The following FADS1 variants were observed in gnomAD, a reference collection of about 807,000 sequenced individuals.
FADS1 encodes the protein fatty acid desaturase 1.
Under a neutral mutation model 61.6 loss-of-function variants are expected in FADS1, and 17 were observed. That is an observed-to-expected ratio of 0.28 (90% CI 0.19 to 0.41). The LOEUF (loss-of-function observed/expected upper bound fraction) is 0.41, where lower values mean the gene tolerates loss of function less well. Ranked by LOEUF, FADS1 falls within the 10% of genes least tolerant of loss-of-function variation. The pLI, the probability that FADS1 is intolerant of heterozygous loss-of-function variation, is 1.00. For synonymous variants in FADS1, 238 were observed against 258.7 expected, an observed-to-expected ratio of 0.92 and a Z score of 0.77; for missense variants, 387 against 650.9, an observed-to-expected ratio of 0.59 and a Z score of 4.41.
rs573416680 is a variant in FADS1 at position 61,811,765 on chromosome 11, T to C, written c.685-690A>G. ...CCACCACTCCCAGCTAACTGTTGTA[T>C]TTTAATAGAGACGGGGTTTCACCAT... On this transcript the variant is annotated intron_variant, in intron 3 of 11. Transcript: ENST00000350997. The C allele has an allele frequency of 9.4e-4, 337 of 358,140 alleles. 3 individuals carry two copies. The highest frequency in any genetic ancestry group is 1.3e-3 in the Non-Finnish European group (235 of 179,222). 22.2% of individuals were successfully genotyped at this position (358,140 alleles called of 1,614,324 possible).
chr11:61,806,312 G>A (rs1221731103), intron 6 of FADS1: 6 of 197,652 alleles, frequency 3.0e-5, no homozygotes, highest in Non-Finnish European at 5.2e-5. Flanking sequence ...ACTGCAGTCC[G>A]CAGTCCGGCC....
intron 2 of FADS1, 42 bp downstream of exon 2, chr11:61,813,200 CT>C: frequency 8.3e-7 from 1 of 1,209,006 alleles, no homozygotes; most frequent in Non-Finnish European, 1.2e-6. Flanking sequence ...CTCTGTCCCC[CT>C]CAACAACCAA....
intron 5 of FADS1, among the ~76,000 whole-genome samples, chr11:61,807,304 G>A (rs2066900820): frequency 6.6e-6 from 1 of 152,126 alleles, no homozygotes; most frequent in African/African-American, 2.4e-5. Context: ...CCAACCTCAG[G>A]TGATCCACCC....
intron 5 of FADS1, among the ~76,000 whole-genome samples, chr11:61,809,779 C>G (rs530284746): frequency 1.3e-5 from 2 of 152,250 alleles, no homozygotes; most frequent in Non-Finnish European, 2.9e-5. Context: ...GGACATGTAA[C>G]AAACCCAAGT....
intron 3 of FADS1, 56 bp downstream of exon 3, chr11:61,812,415 G>A: frequency 6.4e-7 from 1 of 1,551,720 alleles, no homozygotes; most frequent in Admixed American, 1.7e-5. Context: ...CACCCAAGGA[G>A]CTTTCCCCAG....
Position 61,816,866 on chromosome 11 carries a change from G to A in FADS1, c.64C>T (p.Arg22Trp). Residue 22 changes from arginine (R) to tryptophan (W), a missense_variant, in exon 1 of 12, where the codon CGG (arginine) becomes TGG (tryptophan). Coordinates refer to ENST00000350997, the MANE Select transcript of FADS1 (RefSeq NM_013402.7). The surrounding 1 kb of genome is among the most constrained non-coding windows in gnomAD (Gnocchi z 7.0). ...PCGAENPARR[R>W]LALGARQQIH... ...TGCTGGCGCGCGCCCAGAGCCAGCC[G>A]CCTGCGCGCCGGGTTTTCAGCACCG... The A allele has an allele frequency of 6.8e-7, 1 of 1,478,564 alleles. No homozygotes were observed. Among genetic ancestry groups the A allele is most frequent in the South Asian group, 1.3e-5 (1 of 77,200 alleles). The allele number at this position is 1,478,564 out of a possible 1,614,324, so 91.6% of individuals were successfully genotyped here.
At chr11:61,807,385 C>T (rs1365571201) in intron 5 of FADS1, among the ~76,000 whole-genome samples, 3 of 152,188 alleles carry the variant, frequency 2.0e-5, no homozygotes, top group African/African-American at 7.2e-5. Flanking sequence ...TACTTTTTCA[C>T]ACCAGAATCT....
intron 7 of FADS1, 46 bp downstream of exon 7, chr11:61,804,639 G>T (rs766039999): frequency 1.3e-6 from 2 of 1,538,370 alleles, no homozygotes; most frequent in East Asian, 2.3e-5. Flanking sequence ...CCCCACTCTG[G>T]GTGCTGGAGA....
chr11:61,813,200 C>T (rs767269528), intron 2 of FADS1, 43 bp downstream of exon 2: 2 of 1,209,006 alleles, frequency 1.7e-6, no homozygotes, highest in Non-Finnish European at 2.5e-6. Flanking sequence ...CTCTGTCCCC[C>T]TCAACAACCA....
At chr11:61,811,158 C>T in intron 3 of FADS1, 83 bp from the exon 4 acceptor site, 1 of 978,576 alleles carries the variant, frequency 1.0e-6, no homozygotes, top group Non-Finnish European at 1.6e-6. Flanking sequence ...TTCAGCCTCT[C>T]CCACTTCCTT....
At chr11:61,813,913 G>A (rs535607713) in intron 1 of FADS1, among the ~76,000 whole-genome samples, 1 of 148,646 alleles carries the variant, frequency 6.7e-6, no homozygotes, top group African/African-American at 2.5e-5. Context: ...AGCCTGCAGT[G>A]AGCCGAGATC....
Position 61,816,660 on chromosome 11 carries a change from C to A in FADS1, c.270G>T (p.Glu90Asp). Residue 90 changes from glutamate (E) to aspartate (D), a missense_variant, in exon 1 of 12, where the codon GAG becomes GAT. Glu to Asp is a conservative substitution (Grantham distance 45, BLOSUM62 2). This residue lies in a region of FADS1 where 257 missense variants were observed against 533.3 expected (regional missense o/e 0.48). Coordinates refer to ENST00000350997, the MANE Select transcript of FADS1 (RefSeq NM_013402.7). The surrounding 1 kb of genome is among the most constrained non-coding windows in gnomAD (Gnocchi z 7.0). ...DEVAQRSGCE[E>D]RWLVIDRKVY... ...CCTTACGGTCGATCACTAGCCACCGCTCCTCGCACCCTGAGCGCTGGGCCA... is the reference window on the plus strand; with the variant it reads ...CCTTACGGTCGATCACTAGCCACCGATCCTCGCACCCTGAGCGCTGGGCCA... The A allele has an allele frequency of 6.3e-7, 1 of 1,599,616 alleles. No homozygotes were observed. The highest frequency in any genetic ancestry group is 1.1e-5 in the South Asian group (1 of 88,832).
At chr11:61,808,434 A>G (rs1231080166) in intron 5 of FADS1, among the ~76,000 whole-genome samples, 3 of 152,118 alleles carry the variant, frequency 2.0e-5, no homozygotes, top group African/African-American at 7.2e-5. Flanking sequence ...TGCCTGGGCA[A>G]TAGGCTGCTT....
In FADS1 at chr11:61,816,548, C is replaced by G; in HGVS notation, c.375+7G>C. Reference sequence around the variant, plus strand: ...CCTCTCCTGTGCCCCCGCCTGGCTGCGCTCACCGTGGCATCCTGCCCGGCG... The same window carrying G: ...CCTCTCCTGTGCCCCCGCCTGGCTGGGCTCACCGTGGCATCCTGCCCGGCG... On this transcript the variant is annotated splice_region_variant and intron_variant, in intron 1 of 11. Coordinates refer to ENST00000350997, the MANE Select transcript of FADS1 (RefSeq NM_013402.7). This position sits in a 1 kb window ranked among gnomAD's most constrained non-coding sequence, Gnocchi z 7.0. 6.2e-7 allele frequency: 1 copy of G among 1,601,112 alleles called. No homozygotes were observed. The highest frequency in any genetic ancestry group is 2.3e-5 in the East Asian group (1 of 44,268).
At chr11:61,807,936 A>G (rs555746550) in intron 5 of FADS1, among the ~76,000 whole-genome samples, 5 of 152,190 alleles carry the variant, frequency 3.3e-5, no homozygotes, top group Non-Finnish European at 5.9e-5. Flanking sequence ...TTCAGCACCT[A>G]CTGTGTGCCG....
At position 61,812,542 on chromosome 11, in the gene FADS1, GC is replaced by G; in HGVS notation, c.612del (p.Trp204CysfsTer54). 1 of 1,614,136 alleles carries G rather than the reference GC, an allele frequency of 6.2e-7. No homozygotes were observed. ...LHILLLDGAA[W>X]LTLWVFGTSF... Reference sequence around the variant, plus strand: ...GACGTCCCAAAGACCCAAAGGGTGAGCCAGGCTGCACCATCCAGCAGCAAGA... The same window carrying G: ...GACGTCCCAAAGACCCAAAGGGTGAGCAGGCTGCACCATCCAGCAGCAAGA... On this transcript the variant is annotated frameshift_variant, in exon 3 of 12. Coordinates refer to ENST00000350997, the MANE Select transcript of FADS1 (RefSeq NM_013402.7). LOFTEE classifies it high-confidence loss of function.
chr11:61,806,612 C>T, intron 6 of FADS1, 52 bp downstream of exon 6: 1 of 1,505,324 alleles, frequency 6.6e-7, no homozygotes, highest in Non-Finnish European at 9.3e-7. Context: ...CTCCTCATTC[C>T]CTCAGCATTC....
At position 61,810,915 on chromosome 11, in the gene FADS1, C is replaced by T. The variant is rs1256193958; in HGVS notation, c.787-36G>A. 5 of 1,613,866 alleles carry T rather than the reference C, an allele frequency of 3.1e-6. No homozygotes were observed. In the African/African-American group the frequency reaches 5.3e-5, roughly 17 times the overall value. Reference sequence around the variant, plus strand: ...GCAGGGACACGAGTATGAAAAGCTTCCCCCAAGGCAGCCCTTCATTGCCTG... The same window carrying T: ...GCAGGGACACGAGTATGAAAAGCTTTCCCCAAGGCAGCCCTTCATTGCCTG... On this transcript the variant is annotated intron_variant, in intron 4 of 11. Transcript: ENST00000350997.
At position 61,816,296 on chromosome 11, in the gene FADS1, G is replaced by A; in HGVS notation, c.375+259C>T. The A allele has an allele frequency of 1.9e-6, 3 of 1,598,374 alleles. No homozygotes were observed. Among genetic ancestry groups the A allele is most frequent in the East Asian group, 2.2e-5 (1 of 44,870 alleles). ...GGGGCTGCAGATGGAATGCACGGCA[G>A]GGAGGCGGGACCCTTTGTTTGTGTG... is the stretch of plus-strand genomic sequence containing the variant. On this transcript the variant is annotated intron_variant, in intron 1 of 11. Transcript: ENST00000350997. This position sits in a 1 kb window ranked among gnomAD's most constrained non-coding sequence, Gnocchi z 7.0.
Sources: allele counts gnomAD v4.1 joint callset (sites outside exome capture counted in the v4.1 genomes callset), GRCh38; gene constraint gnomAD v4.1.1; regional missense constraint gnomAD v4.1.1; non-coding constraint Gnocchi (gnomAD v3.1); transcripts MANE v1.5; gene names NCBI Gene and HGNC (gene_info 2026-07-23, HGNC 2026-07-21).